The following RFX3 variants were observed in gnomAD, a reference collection of about 807,000 sequenced individuals.
RFX3 encodes regulatory factor X3.
In RFX3, 14 loss-of-function variants were observed where a neutral mutation model predicts 98.6. That is an observed-to-expected ratio of 0.14 (90% CI 0.09 to 0.22). RFX3 has a LOEUF of 0.22. Among genes scored for constraint, RFX3 ranks in the 10% least tolerant of loss-of-function variants. The probability of loss-of-function intolerance (pLI) is 1.00; values close to 1 mark genes in which losing one functional copy is unlikely to be tolerated. For synonymous variants in RFX3, 383 were observed against 328.4 expected, an observed-to-expected ratio of 1.17 and a Z score of -1.80; for missense variants, 639 against 926.9, an observed-to-expected ratio of 0.69 and a Z score of 4.03.
intron 13 of RFX3, among the ~76,000 whole-genome samples, chr9:3,258,452 T>C (rs953101334): frequency 1.3e-5 from 2 of 152,112 alleles, no homozygotes; most frequent in African/African-American, 4.8e-5. Flanking sequence ...TCAAGGGACA[T>C]TTCAACCTGA....
At chr9:3,271,451 C>CCCTT (rs904076515) in intron 9 of RFX3, among the ~76,000 whole-genome samples, 3 of 144,424 alleles carry the variant, frequency 2.1e-5, no homozygotes, top group South Asian at 2.4e-4. Flanking sequence ...CTCCCTCCCT[C>CCCTT]CCTTCCTTCC....
At chr9:3,477,205 C>A (rs1282051898) in intron 1 of RFX3, among the ~76,000 whole-genome samples, 2 of 152,108 alleles carry the variant, frequency 1.3e-5, no homozygotes, top group East Asian at 3.8e-4. Flanking sequence ...GGATTTAGAG[C>A]CTATCCCTAA....
intron 1 of RFX3, among the ~76,000 whole-genome samples, chr9:3,477,003 T>C (rs1311570476): frequency 1.3e-5 from 2 of 152,152 alleles, no homozygotes; most frequent in Non-Finnish European, 2.9e-5. Context: ...AATGAGAAAA[T>C]GATGTAATAC....
At chr9:3,258,998 C>A (rs1822512081) in intron 13 of RFX3, among the ~76,000 whole-genome samples, 1 of 151,796 alleles carries the variant, frequency 6.6e-6, no homozygotes, top group Non-Finnish European at 1.5e-5. Flanking sequence ...TATTTAATAA[C>A]CATCTTTCCA....
intron 7 of RFX3, among the ~76,000 whole-genome samples, chr9:3,284,123 G>C (rs1826270373): frequency 6.6e-6 from 1 of 151,720 alleles, no homozygotes; most frequent in Non-Finnish European, 1.5e-5. Context: ...TTGAAGAAAT[G>C]ATAAATGACA....
intron 12 of RFX3, among the ~76,000 whole-genome samples, chr9:3,263,330 G>A (rs939777644): frequency 2.6e-5 from 4 of 152,096 alleles, no homozygotes; most frequent in Admixed American, 6.6e-5. Context: ...ACATCTGAGC[G>A]TAGCATTAAT....
chr9:3,330,061 C>A (rs965436324), intron 4 of RFX3, among the ~76,000 whole-genome samples, 198 bp downstream of exon 4: 7 of 152,124 alleles, frequency 4.6e-5, no homozygotes, highest in African/African-American at 1.7e-4. Context: ...CTCTAATTCA[C>A]CTGATTAGAG....
chr9:3,288,675 T>C (rs1181199899), intron 6 of RFX3, among the ~76,000 whole-genome samples: 2 of 152,094 alleles, frequency 1.3e-5, no homozygotes, highest in South Asian at 4.1e-4. Flanking sequence ...AAAGCATGTA[T>C]ATAGAACAAA....
In RFX3 at chr9:3,296,104, A is replaced by C. The variant is rs1312962238; in HGVS notation, c.550-2846T>G. 3.9e-5 allele frequency among the ~76,000 whole-genome samples: 6 copies of C among 151,996 alleles called. 1 individual carries two copies. The East Asian group carries it at 9.6e-4, about 24-fold the overall frequency. On this transcript the variant is annotated intron_variant, in intron 5 of 16. Transcript: ENST00000617270. ...TTTTTACTACAAAATTTGAAAAAGA[A>C]AATCCAATAATAGAATATTTGAAGG...
rs71495494 is a variant in RFX3 at position 3,356,155 on chromosome 9, T to TGGAAGGAAGGAAGGAAGGAAGGAA, written c.118-9415_118-9392dup. Among the ~76,000 whole-genome samples, 73 of 125,748 alleles carry TGGAAGGAAGGAAGGAAGGAAGGAA rather than the reference T, an allele frequency of 5.8e-4. 1 individual carries two copies. The highest frequency in any genetic ancestry group is 2.0e-3 in the African/African-American group (64 of 31,232). The allele number at this position is 125,748 out of a possible 152,430, so 82.5% of individuals were successfully genotyped here. On this transcript the variant is annotated intron_variant, in intron 2 of 16. Transcript: ENST00000617270. ...AAGAATATATCAAATCTAGAATAAG[T>TGGAAGGAAGGAAGGAAGGAAGGAA]GGAAGGAAGGAAGGAAGGAAGGAAG... is the stretch of plus-strand genomic sequence containing the variant.
At chr9:3,469,144 CATTT>C (rs764167819) in intron 1 of RFX3, 5 of 455,214 alleles carry the variant, frequency 1.1e-5, no homozygotes, top group Admixed American at 7.1e-5. Flanking sequence ...AAATTCTGTT[CATTT>C]ATTTAACAAA....
At chr9:3,395,428 T>C in intron 2 of RFX3, 44 bp downstream of exon 2, 2 of 1,601,878 alleles carry the variant, frequency 1.2e-6, no homozygotes, top group Non-Finnish European at 1.7e-6. Flanking sequence ...ACAGCCAACA[T>C]AATGAAAGTA....
chr9:3,371,011 C>A (rs7023101), intron 2 of RFX3, among the ~76,000 whole-genome samples: 1 of 151,832 alleles, frequency 6.6e-6, no homozygotes, highest in African/African-American at 2.4e-5. Context: ...AAGATGAATC[C>A]TTTTTTAAAA....
intron 4 of RFX3, among the ~76,000 whole-genome samples, chr9:3,311,194 C>A (rs780107732): frequency 1.3e-5 from 2 of 152,214 alleles, no homozygotes; most frequent in Non-Finnish European, 2.9e-5. Flanking sequence ...AGAGGATACA[C>A]TTAAAACCAG....
At chr9:3,519,976 G>A (rs1818544949) in intron 1 of RFX3, among the ~76,000 whole-genome samples, 1 of 151,938 alleles carries the variant, frequency 6.6e-6, no homozygotes, top group African/African-American at 2.4e-5. Context: ...TTAAAATGAT[G>A]GCAACAGCCT....
intron 1 of RFX3, among the ~76,000 whole-genome samples, chr9:3,437,533 C>T (rs746660415): frequency 6.6e-6 from 1 of 152,022 alleles, no homozygotes; most frequent in Admixed American, 6.6e-5. Context: ...AGGAAATCCT[C>T]GTAGAAGAAG....
At chr9:3,439,222 A>G (rs923563186) in intron 1 of RFX3, among the ~76,000 whole-genome samples, 23 of 152,038 alleles carry the variant, frequency 1.5e-4, no homozygotes. Context: ...TTAGAAAATA[A>G]GAAAGGTCTT....
intron 5 of RFX3, among the ~76,000 whole-genome samples, chr9:3,301,089 C>A (rs1422265026): frequency 6.6e-6 from 1 of 151,782 alleles, no homozygotes; most frequent in Non-Finnish European, 1.5e-5. Flanking sequence ...TACTGGTAAA[C>A]AAATCATTTT....
chr9:3,498,262 ACTTTACTCTT>A (rs1192496873), intron 1 of RFX3, among the ~76,000 whole-genome samples: 21 of 152,060 alleles, frequency 1.4e-4, no homozygotes, highest in Non-Finnish European at 2.6e-4. Flanking sequence ...ATATTTTAAC[ACTTTACTCTT>A]CTTTAATAAA....
Sources: gnomAD v4.1 joint callset for allele counts (sites outside exome capture counted in the v4.1 genomes callset) on GRCh38, gnomAD v4.1.1 for gene constraint, MANE v1.5 for transcripts, NCBI Gene and HGNC (gene_info 2026-07-23, HGNC 2026-07-21) for gene names.